The following BPIFC variants were observed in gnomAD, a reference collection of about 807,000 sequenced individuals.
The protein encoded by BPIFC is BPI fold containing family C.
Under a neutral mutation model 57.6 loss-of-function variants are expected in BPIFC, and 60 were observed. The ratio of observed to expected loss-of-function variants is 1.04; its 90% CI spans 0.85 to 1.29. The LOEUF is 1.29. Ranked by LOEUF, BPIFC falls within the 50% of genes most tolerant of loss-of-function variation. The probability of loss-of-function intolerance (pLI) is 0.00; values close to 1 mark genes in which losing one functional copy is unlikely to be tolerated. For missense variants in BPIFC, 581 were observed against 600.5 expected (o/e 0.97, Z 0.34); for synonymous variants, 243 against 224.5 (o/e 1.08, Z -0.74).
intron 8 of BPIFC, among the ~76,000 whole-genome samples, chr22:32,441,844 G>A (rs1324767320): frequency 6.6e-6 from 1 of 152,154 alleles, no homozygotes; most frequent in African/African-American, 2.4e-5. Flanking sequence ...GGGGTTGGGG[G>A]GGATGGTTTC....
At chr22:32,459,648 G>T (rs762381784) in intron 2 of BPIFC, among the ~76,000 whole-genome samples, 1 of 151,812 alleles carries the variant, frequency 6.6e-6, no homozygotes, top group Non-Finnish European at 1.5e-5. Context: ...GGGCGACAGA[G>T]TGAGACTCCA....
At chr22:32,417,460 A>ACC (rs1933715919) in intron 14 of BPIFC, among the ~76,000 whole-genome samples, 1 of 152,218 alleles carries the variant, frequency 6.6e-6, no homozygotes, top group Non-Finnish European at 1.5e-5. Context: ...GGTGGGAGCC[A>ACC]CCACACCTGG....
At position 32,445,830 on chromosome 22, in the gene BPIFC, C is replaced by G; in HGVS notation, c.530+11G>C. 1 of 1,613,372 alleles carries G rather than the reference C, an allele frequency of 6.2e-7. No homozygotes were observed. Among genetic ancestry groups the G allele is most frequent in the Non-Finnish European group, 8.5e-7 (1 of 1,179,778 alleles). ...TAACTAGCCACTGCCCAACCCAGGG[C>G]TCTCATTCACCTGAGTTCTCCGGAA... On this transcript the variant is annotated intron_variant, in intron 6 of 16. Coordinates refer to ENST00000300399, the MANE Select transcript of BPIFC (RefSeq NM_174932.3).
At chr22:32,420,425 A>G (rs1193730375) in intron 13 of BPIFC, among the ~76,000 whole-genome samples, 1 of 152,022 alleles carries the variant, frequency 6.6e-6, no homozygotes, top group African/African-American at 2.4e-5. Flanking sequence ...ACTAAATTCT[A>G]TGACCAGTCT....
chr22:32,455,808 C>A (rs1203348794), intron 3 of BPIFC, among the ~76,000 whole-genome samples: 2 of 152,220 alleles, frequency 1.3e-5, no homozygotes, highest in African/African-American at 4.8e-5. Flanking sequence ...GGAATTAGAT[C>A]AACACACAGC....
intron 13 of BPIFC, among the ~76,000 whole-genome samples, chr22:32,429,802 A>G (rs1185551279): frequency 3.3e-5 from 5 of 151,970 alleles, no homozygotes; most frequent in Admixed American, 3.3e-4. Context: ...GGTGTGAGCG[A>G]CCGCGCCTGG....
chr22:32,430,393 A>G (rs1354798916), intron 13 of BPIFC, among the ~76,000 whole-genome samples: 3 of 152,132 alleles, frequency 2.0e-5, no homozygotes, highest in African/African-American at 7.2e-5. Flanking sequence ...AATTTGATAA[A>G]GAAGAACTGA....
At chr22:32,421,819 T>C (rs900200114) in intron 13 of BPIFC, among the ~76,000 whole-genome samples, 1 of 152,214 alleles carries the variant, frequency 6.6e-6, no homozygotes, top group Non-Finnish European at 1.5e-5. Flanking sequence ...TTAATTACAA[T>C]TGAGATAAAT....
At position 32,433,747 on chromosome 22, in the gene BPIFC, G is replaced by C; in HGVS notation, c.950C>G (p.Ser317Cys). The change falls in exon 11 of 17, where the codon TCT becomes TGT. Residue 317 changes from serine (S) to cysteine (C), a missense_variant. Coordinates refer to ENST00000300399, the MANE Select transcript of BPIFC (RefSeq NM_174932.3). ...EEISNHFVQN[S>C]QGLGNVLSRI... ...GGAGAGCACGTTGCCAAGGCCTTGA[G>C]AGTTTTGAACAAAATGGTTGGAAAT... is the stretch of plus-strand genomic sequence containing the variant. 1.2e-6 allele frequency: 2 copies of C among 1,614,016 alleles called. No individual in the cohort carries two copies. Among genetic ancestry groups the C allele is most frequent in the Non-Finnish European group, 1.7e-6 (2 of 1,179,934 alleles).
intron 13 of BPIFC, among the ~76,000 whole-genome samples, chr22:32,422,680 T>C (rs1933881457): frequency 6.6e-6 from 1 of 151,600 alleles, no homozygotes; most frequent in Admixed American, 6.6e-5. Flanking sequence ...TGCATTTCAG[T>C]CTGGGCGACA....
At chr22:32,462,607 T>G (rs1935190003) in intron 1 of BPIFC, among the ~76,000 whole-genome samples, 1 of 152,190 alleles carries the variant, frequency 6.6e-6, no homozygotes. Context: ...ATTATCTTAC[T>G]CCCATTTTAG....
chr22:32,461,665 G>C lies in BPIFC; in HGVS notation c.-88-4C>G. On this transcript the variant is annotated splice_polypyrimidine_tract_variant and splice_region_variant and intron_variant, in intron 1 of 16. Transcript: ENST00000300399. Reference sequence around the variant, plus strand: ...CTTGGAGGTTAGTCAAGGTGTCCTGGAAAGGGGGATAAGTAGAGATGAACT... The same window carrying C: ...CTTGGAGGTTAGTCAAGGTGTCCTGCAAAGGGGGATAAGTAGAGATGAACT... 1.0e-6 allele frequency: 1 copy of C among 985,290 alleles called. No homozygotes were observed. Among genetic ancestry groups the C allele is most frequent in the Non-Finnish European group, 1.2e-6 (1 of 829,806 alleles). 61.0% of individuals were successfully genotyped at this position (985,290 alleles called of 1,614,324 possible). A position where few individuals can be genotyped will look rare whatever the true frequency, so the allele number is the denominator to read the frequency against.
At chr22:32,447,809 G>A (rs941574104) in intron 4 of BPIFC, among the ~76,000 whole-genome samples, 10 of 151,820 alleles carry the variant, frequency 6.6e-5, no homozygotes, top group Non-Finnish European at 1.2e-4. Context: ...GGATCTCACT[G>A]TGTTGCCCAG....
At position 32,432,401 on chromosome 22, in the gene BPIFC, G is replaced by A. The variant is rs1239192121; in HGVS notation, c.1121C>T (p.Thr374Ile). ...GTCCATGGAAACGATGGTTTCAACT[G>A]TGGAGTTCTTGGGTTGGGTGAGCAT... ...IMMLTQPKNS[T>I]VETIVSMDFV... Residue 374 changes from threonine (T) to isoleucine (I), a missense_variant, in exon 12 of 17, where the codon ACA becomes ATA. Thr to Ile is a moderately conservative substitution (Grantham distance 89). Transcript: ENST00000300399. 5 of 1,614,020 alleles carry A rather than the reference G, an allele frequency of 3.1e-6. No homozygotes were observed. The African/African-American group carries it at 5.3e-5, about 17-fold the overall frequency.
chr22:32,432,317 C>T, intron 12 of BPIFC, 56 bp downstream of exon 12: 1 of 1,581,672 alleles, frequency 6.3e-7, no homozygotes. Flanking sequence ...GCCAACAGTC[C>T]ACAGCAGGAG....
At chr22:32,424,669 TTCTTCTTCTTCTTCTTCTTCTTCC>T (rs1933977104) in intron 13 of BPIFC, among the ~76,000 whole-genome samples, 1 of 63,326 alleles carries the variant, frequency 1.6e-5, no homozygotes. Context: ...CTTCTTCTTC[TTCTTCTTCTTCTTCTTCTTCTTCC>T]TCTTCTTCTT....
At chr22:32,449,891 T>C (rs540763411) in intron 4 of BPIFC, among the ~76,000 whole-genome samples, 94 of 152,098 alleles carry the variant, frequency 6.2e-4, no homozygotes, top group Non-Finnish European at 1.1e-3. Context: ...CCCACCACCA[T>C]GCCCGGCTAA....
chr22:32,424,729 CTCTTCTTCTTCCTCTTCTTCT>C lies in BPIFC; in HGVS notation c.1218-5346_1218-5326del, dbSNP rs1569448202. ...CCTCTTCTTCTTCCTCTTCTTCTTC[CTCTTCTTCTTCCTCTTCTTCT>C]TCCTCTTCTTCTTCTTCTTCTTCTT... On this transcript the variant is annotated intron_variant, in intron 13 of 16. Coordinates refer to ENST00000300399, the MANE Select transcript of BPIFC (RefSeq NM_174932.3). Among the ~76,000 whole-genome samples, 120 of 48,176 alleles carry C rather than the reference CTCTTCTTCTTCCTCTTCTTCT, an allele frequency of 2.5e-3. 2 individuals carry two copies. The highest frequency in any genetic ancestry group is 2.9e-3 in the South Asian group (5 of 1,704). The allele number at this position is 48,176 out of a possible 152,430, so 31.6% of individuals were successfully genotyped here. A position where few individuals can be genotyped will look rare whatever the true frequency, so the allele number is the denominator to read the frequency against.
rs1934951963 is a variant in BPIFC, at chr22:32,453,465, T to C, written c.163A>G (p.Lys55Glu). 6.2e-7 allele frequency: 1 copy of C among 1,606,568 alleles called. No homozygotes were observed. Among genetic ancestry groups the C allele is most frequent in the East Asian group, 2.2e-5 (1 of 44,804 alleles). The change falls in exon 4 of 17, where the codon AAA becomes GAA. Residue 55 changes from lysine to glutamate, a missense_variant. Physicochemically the swap from Lys to Glu is moderately conservative, Grantham distance 56. Transcript: ENST00000300399. ...CTTAAATCTGGGAGTTTCTTTTCTT[T>C]TAGCATTTGCTCAATCATCTTCATT... The part of the protein sequence containing the change: ...AGMKMIEQML[K>E]EKKLPDLSGS...
Sources: allele counts gnomAD v4.1 joint callset (sites outside exome capture counted in the v4.1 genomes callset), GRCh38; gene constraint gnomAD v4.1.1; transcripts MANE v1.5; gene names NCBI Gene and HGNC (gene_info 2026-07-23, HGNC 2026-07-21).